The following ARFIP1 variants were observed in gnomAD, a reference collection of about 807,000 sequenced individuals.
The protein encoded by ARFIP1 is arfaptin-1.
A neutral mutation model predicts 42.5 loss-of-function variants in ARFIP1; 24 were observed. The observed-to-expected ratio is 0.57, with a 90% CI of 0.41 to 0.80. The LOEUF is 0.80. Ranked by LOEUF, ARFIP1 falls within the 30% of genes least tolerant of loss-of-function variation. The pLI, the probability that ARFIP1 is intolerant of heterozygous loss-of-function variation, is 0.00. For synonymous variants in ARFIP1, 141 were observed against 153.7 expected, an observed-to-expected ratio of 0.92 and a Z score of 0.61; for missense variants, 354 against 434.0, an observed-to-expected ratio of 0.82 and a Z score of 1.64.
intron 8 of ARFIP1, among the ~76,000 whole-genome samples, chr4:152,894,355 T>A (rs1737131103): frequency 6.6e-6 from 1 of 152,164 alleles, no homozygotes; most frequent in African/African-American, 2.4e-5. Flanking sequence ...AACCTCAGAA[T>A]TTAAAAAATA....
chr4:152,874,463 G>A (rs1164552991), intron 5 of ARFIP1, among the ~76,000 whole-genome samples: 1 of 152,180 alleles, frequency 6.6e-6, no homozygotes, highest in East Asian at 1.9e-4. Context: ...AGTGTGTCCA[G>A]GCTGACATAT....
At chr4:152,819,218 T>G (rs1730155037) in intron 1 of ARFIP1, among the ~76,000 whole-genome samples, 2 of 152,102 alleles carry the variant, frequency 1.3e-5, no homozygotes, top group African/African-American at 4.8e-5. Flanking sequence ...CACAGCCCCG[T>G]TACAGCATCT....
intron 2 of ARFIP1, among the ~76,000 whole-genome samples, chr4:152,836,924 G>T (rs1191423834): frequency 2.0e-5 from 3 of 151,338 alleles, no homozygotes; most frequent in African/African-American, 7.3e-5. Context: ...TTTATCCCTT[G>T]TCCCCCTCCC....
At position 152,872,448 on chromosome 4, in the gene ARFIP1, G is replaced by A. The variant is rs745937222; in HGVS notation, c.299-4G>A. On this transcript the variant is annotated splice_polypyrimidine_tract_variant and splice_region_variant and intron_variant, in intron 4 of 8. Coordinates refer to ENST00000353617, the MANE Select transcript of ARFIP1 (RefSeq NM_001025595.3). ...TTGTGTTTTTATCTTTTGTTATCTT[G>A]CAGGTGGCCAGAGAACACAGACAAA... 26 of 1,575,912 alleles carry A rather than the reference G, an allele frequency of 1.6e-5. No homozygotes were observed. The South Asian group carries it at 2.9e-4, about 18-fold the overall frequency.
chr4:152,827,636 T>A (rs1730944374), intron 1 of ARFIP1, among the ~76,000 whole-genome samples: 1 of 152,172 alleles, frequency 6.6e-6, no homozygotes, highest in Admixed American at 6.5e-5. Flanking sequence ...TTCCAGAACA[T>A]CATATAGTTG....
intron 1 of ARFIP1, among the ~76,000 whole-genome samples, chr4:152,781,947 C>T (rs1276598271): frequency 1.3e-5 from 2 of 152,176 alleles, no homozygotes; most frequent in African/African-American, 2.4e-5. Flanking sequence ...GGGAAAGTGT[C>T]CATTGTTTTT....
rs76578085 is a variant in ARFIP1, at chr4:152,905,597, G to A, written c.967-4467G>A. On this transcript the variant is annotated intron_variant, in intron 8 of 8. Coordinates refer to ENST00000353617, the MANE Select transcript of ARFIP1 (RefSeq NM_001025595.3). ...AGATGGAGTTTCACTCTGTTGTCCA[G>A]GCTGGAGTGCAGTGGCGCGATACGG... Among the ~76,000 whole-genome samples, 188 of 100,324 alleles carry A rather than the reference G, an allele frequency of 1.9e-3. 2 individuals carry two copies. The East Asian group carries it at 0.047, about 25-fold the overall frequency. 65.8% of individuals were successfully genotyped at this position (100,324 alleles called of 152,430 possible).
chr4:152,863,925 C>T (rs1196519818), intron 3 of ARFIP1, among the ~76,000 whole-genome samples: 1 of 152,040 alleles, frequency 6.6e-6, no homozygotes, highest in Non-Finnish European at 1.5e-5. Flanking sequence ...CATGATATCA[C>T]TGGTTATTAT....
At position 152,888,147 on chromosome 4, in the gene ARFIP1, C is replaced by T; in HGVS notation, c.806C>T (p.Ala269Val). The T allele has an allele frequency of 6.2e-7, 1 of 1,604,322 alleles. No homozygotes were observed. Among genetic ancestry groups the T allele is most frequent in the Non-Finnish European group, 8.5e-7 (1 of 1,176,702 alleles). ...QYESARIEYD[A>V]YRTDLEELNL... is the part of the protein sequence containing the mutation. ...CTTCTTTCCAGGATTGAATATGATG[C>T]ATATCGCACTGATTTGGAAGAACTG... The change falls in exon 8 of 9, where the codon GCA (alanine) becomes GTA (valine). Residue 269 changes from alanine to valine, a missense_variant. By Grantham distance (64) the Ala-to-Val change is moderately conservative. Coordinates refer to ENST00000353617, the MANE Select transcript of ARFIP1 (RefSeq NM_001025595.3).
chr4:152,882,333 T>C (rs1410014695), intron 6 of ARFIP1, among the ~76,000 whole-genome samples: 1 of 152,204 alleles, frequency 6.6e-6, no homozygotes, highest in Admixed American at 6.5e-5. Flanking sequence ...TCTGAAAGTT[T>C]TAACCAATTA....
intron 1 of ARFIP1, among the ~76,000 whole-genome samples, chr4:152,818,882 AC>A (rs1354916806): frequency 6.6e-6 from 1 of 152,162 alleles, no homozygotes; most frequent in Non-Finnish European, 1.5e-5. Flanking sequence ...ATTCTTTTGT[AC>A]AACAAAAGCA....
rs555262454 is a variant in ARFIP1, at chr4:152,847,178, G to A, written c.94-16428G>A. ...CAGAGTCTCACTCTGTCGCCCCCAGGCCGGAGTGCAATGGTGTGATCTCGG... is the reference window on the plus strand; with the variant it reads ...CAGAGTCTCACTCTGTCGCCCCCAGACCGGAGTGCAATGGTGTGATCTCGG... On this transcript the variant is annotated intron_variant, in intron 2 of 8. Transcript: ENST00000353617. Among the ~76,000 whole-genome samples the A allele has an allele frequency of 9.1e-5, 11 of 120,266 alleles. No individual in the cohort carries two copies. The East Asian group carries it at 2.4e-3, about 26-fold the overall frequency. 78.9% of individuals were successfully genotyped at this position (120,266 alleles called of 152,430 possible). A position where few individuals can be genotyped will look rare whatever the true frequency, so the allele number is the denominator to read the frequency against.
intron 2 of ARFIP1, among the ~76,000 whole-genome samples, chr4:152,858,319 A>C (rs1733607006): frequency 6.6e-6 from 1 of 152,050 alleles, no homozygotes; most frequent in Non-Finnish European, 1.5e-5. Context: ...TAAGTAAATA[A>C]ATAATTTATG....
At chr4:152,795,998 C>T (rs1731445921) in intron 1 of ARFIP1, 5 of 587,064 alleles carry the variant, frequency 8.5e-6, no homozygotes, top group South Asian at 6.8e-5. Context: ...TACTCAGAAA[C>T]ATTACAGTAA....
At chr4:152,836,547 C>G (rs1183645425) in intron 2 of ARFIP1, among the ~76,000 whole-genome samples, 1 of 152,016 alleles carries the variant, frequency 6.6e-6, no homozygotes, top group Non-Finnish European at 1.5e-5. Flanking sequence ...TTTGGTCTGA[C>G]CTTGAAGCAA....
chr4:152,904,532 C>T (rs1468529740), intron 8 of ARFIP1, among the ~76,000 whole-genome samples: 3 of 152,054 alleles, frequency 2.0e-5, no homozygotes, highest in South Asian at 4.2e-4. Context: ...AGCTATTTAT[C>T]CTGATGCTCT....
intron 7 of ARFIP1, among the ~76,000 whole-genome samples, chr4:152,887,806 A>G (rs1174360339): frequency 6.6e-6 from 1 of 152,036 alleles, no homozygotes; most frequent in African/African-American, 2.4e-5. Flanking sequence ...GTACTAAGCA[A>G]TTCACTTGGG....
intron 1 of ARFIP1, among the ~76,000 whole-genome samples, chr4:152,795,055 G>A (rs1731353677): frequency 6.6e-6 from 1 of 152,014 alleles, no homozygotes; most frequent in East Asian, 1.9e-4. Flanking sequence ...TCCATCCTTA[G>A]CCTTGCTACT....
intron 8 of ARFIP1, among the ~76,000 whole-genome samples, chr4:152,906,304 T>G (rs1016216353): frequency 6.6e-6 from 1 of 152,230 alleles, no homozygotes; most frequent in Non-Finnish European, 1.5e-5. Flanking sequence ...TTTTAAGAGA[T>G]ATCTCAAGCA....
Sources: gnomAD v4.1 joint callset for allele counts (sites outside exome capture counted in the v4.1 genomes callset) on GRCh38, gnomAD v4.1.1 for gene constraint, MANE v1.5 for transcripts, NCBI Gene and HGNC (gene_info 2026-07-23, HGNC 2026-07-21) for gene names.